The following DSTYK variants were observed in gnomAD, a reference collection of about 807,000 sequenced individuals.
DSTYK encodes dual serine/threonine and tyrosine protein kinase, also known as RIP-homologous kinase.
Under a neutral mutation model 98.7 loss-of-function variants are expected in DSTYK, and 34 were observed. The ratio of observed to expected loss-of-function variants is 0.34; its 90% CI spans 0.26 to 0.46. The LOEUF (loss-of-function observed/expected upper bound fraction) is 0.46. Among genes scored for constraint, DSTYK ranks in the 20% least tolerant of loss-of-function variants. The probability of loss-of-function intolerance (pLI) is 1.00; values close to 1 mark genes in which losing one functional copy is unlikely to be tolerated. For missense variants in DSTYK, 962 were observed against 1,181.7 expected, an observed-to-expected ratio of 0.81 and a Z score of 2.73; for synonymous variants, 462 against 457.3, an observed-to-expected ratio of 1.01 and a Z score of -0.13.
intron 1 of DSTYK, among the ~76,000 whole-genome samples, chr1:205,192,171 T>C (rs1444952787): frequency 6.6e-6 from 1 of 152,250 alleles, no homozygotes; most frequent in Non-Finnish European, 1.5e-5. Context: ...TTGATCACTT[T>C]ATTTGCTTCA....
intron 1 of DSTYK, among the ~76,000 whole-genome samples, chr1:205,199,041 T>A (rs1046646480): frequency 7.2e-5 from 11 of 152,254 alleles, no homozygotes; most frequent in South Asian, 2.1e-4. Flanking sequence ...GGAATTTTTT[T>A]AAAAAATCAA....
intron 1 of DSTYK, among the ~76,000 whole-genome samples, chr1:205,205,816 G>A (rs940323883): frequency 2.0e-5 from 3 of 152,144 alleles, no homozygotes; most frequent in Non-Finnish European, 4.4e-5. Context: ...TTTAAAAGGT[G>A]TGACAAAAAG....
At chr1:205,210,405 G>A (rs1246904284) in intron 1 of DSTYK, among the ~76,000 whole-genome samples, 1 of 148,508 alleles carries the variant, frequency 6.7e-6, no homozygotes, top group Non-Finnish European at 1.5e-5. Context: ...CTATCTACGT[G>A]GAATGTCAGT....
chr1:205,175,250 G>A (rs1479826460), intron 2 of DSTYK, among the ~76,000 whole-genome samples: 2 of 151,868 alleles, frequency 1.3e-5, no homozygotes, highest in South Asian at 2.1e-4. Context: ...ACAGGCGCAC[G>A]CCCGGCAATT....
intron 1 of DSTYK, among the ~76,000 whole-genome samples, chr1:205,194,584 T>C (rs1043345948): frequency 2.7e-5 from 4 of 150,784 alleles, no homozygotes; most frequent in African/African-American, 9.8e-5. Flanking sequence ...GGTCTCACTA[T>C]GTTGCCCAGG....
At chr1:205,202,851 C>T (rs1659083491) in intron 1 of DSTYK, 1 of 426,792 alleles carries the variant, frequency 2.3e-6, no homozygotes, top group East Asian at 4.3e-5. Context: ...AACTGAGTAA[C>T]AGGTATAAGG....
At chr1:205,206,554 C>G (rs1052963010) in intron 1 of DSTYK, among the ~76,000 whole-genome samples, 1 of 150,940 alleles carries the variant, frequency 6.6e-6, no homozygotes, top group South Asian at 2.1e-4. Context: ...GTTGGGATTA[C>G]AGGCGTGAGC....
intron 2 of DSTYK, among the ~76,000 whole-genome samples, chr1:205,179,464 T>A (rs10900459): frequency 1.3e-5 from 2 of 151,024 alleles, no homozygotes; most frequent in South Asian, 4.2e-4. Context: ...ACTAAAAATA[T>A]AAAAAAATTA....
In DSTYK at chr1:205,150,895, G is replaced by A. The variant is rs1198639440; in HGVS notation, c.2353-101C>T. On this transcript the variant is annotated intron_variant, in intron 10 of 12. Coordinates refer to ENST00000367162, the MANE Select transcript of DSTYK (RefSeq NM_015375.3). This position sits in a 1 kb window ranked among gnomAD's most constrained non-coding sequence, Gnocchi z 4.1. Reference sequence around the variant, plus strand: ...GTAGGTACCTCAAAGTAGTGTCACTGGATAGGATTATGCTCTGAAAATGAG... The same window carrying A: ...GTAGGTACCTCAAAGTAGTGTCACTAGATAGGATTATGCTCTGAAAATGAG... 5.7e-6 allele frequency: 5 copies of A among 876,060 alleles called. No homozygotes were observed. In the Admixed American group the frequency reaches 1.0e-4, roughly 18 times the overall value. The allele number at this position is 876,060 out of a possible 1,614,324, so 54.3% of individuals were successfully genotyped here.
chr1:205,175,258 A>T (rs1188673803), intron 2 of DSTYK, among the ~76,000 whole-genome samples: 1 of 151,448 alleles, frequency 6.6e-6, no homozygotes, highest in Non-Finnish European at 1.5e-5. Context: ...ACGCCCGGCA[A>T]TTTTTTTGTA....
intron 1 of DSTYK, among the ~76,000 whole-genome samples, chr1:205,190,065 T>C (rs1658665563): frequency 1.3e-5 from 2 of 152,170 alleles, no homozygotes; most frequent in African/African-American, 4.8e-5. Context: ...ACACCTACCA[T>C]GCTTTATTCT....
Position 205,163,973 on chromosome 1 carries a change from T to G in DSTYK, c.1325-18A>C. 1 of 1,606,634 alleles carries G rather than the reference T, an allele frequency of 6.2e-7. No individual in the cohort carries two copies. Among genetic ancestry groups the G allele is most frequent in the South Asian group, 1.1e-5 (1 of 90,904 alleles). On this transcript the variant is annotated intron_variant, in intron 3 of 12. Coordinates refer to ENST00000367162, the MANE Select transcript of DSTYK (RefSeq NM_015375.3). ...AATGACGTCTATGGAGGCAGAGAAA[T>G]AAGCTGAATAGTTGTGAGGAAGAAG...
rs144250564 is a variant in DSTYK, at chr1:205,167,870, G to A, written c.1324+1293C>T. ...GGTGGCTCACGCCACCCAGCACTTC[G>A]GGAGGCCGAGGCGGGTAGATTACGA... On this transcript the variant is annotated intron_variant, in intron 3 of 12. Coordinates refer to ENST00000367162, the MANE Select transcript of DSTYK (RefSeq NM_015375.3). 3.4e-3 allele frequency among the ~76,000 whole-genome samples: 516 copies of A among 152,302 alleles called. 1 individual carries two copies. Among genetic ancestry groups the A allele is most frequent in the Middle Eastern group, 0.021 (6 of 292 alleles).
chr1:205,169,154 G>A lies in DSTYK; in HGVS notation c.1324+9C>T. The A allele has an allele frequency of 1.3e-6, 2 of 1,579,374 alleles. No individual in the cohort carries two copies. On this transcript the variant is annotated intron_variant, in intron 3 of 12. Coordinates refer to ENST00000367162, the MANE Select transcript of DSTYK (RefSeq NM_015375.3). The surrounding 1 kb of genome is among the most constrained non-coding windows in gnomAD (Gnocchi z 4.0). ...GTGCCAGCACCCCAACAAGCTCTCT[G>A]GGACCTACCTTTAAACTCCATGTTA...
At chr1:205,156,298 T>C (rs1657559154) in intron 10 of DSTYK, among the ~76,000 whole-genome samples, 1 of 152,068 alleles carries the variant, frequency 6.6e-6, no homozygotes, top group Non-Finnish European at 1.5e-5. Context: ...ACACACAACT[T>C]GCACCGTGTG....
chr1:205,200,048 T>C (rs1658980935), intron 1 of DSTYK, among the ~76,000 whole-genome samples: 1 of 152,172 alleles, frequency 6.6e-6, no homozygotes, highest in Non-Finnish European at 1.5e-5. Flanking sequence ...TTATTCTTTT[T>C]TTTAATGAGA....
intron 3 of DSTYK, among the ~76,000 whole-genome samples, chr1:205,167,129 C>T (rs1657911562): frequency 6.6e-6 from 1 of 152,204 alleles, no homozygotes; most frequent in African/African-American, 2.4e-5. Context: ...GGTGTGATGG[C>T]TCATGCCTAT....
At position 205,169,176 on chromosome 1, in the gene DSTYK, G is replaced by A. The variant is rs778239789; in HGVS notation, c.1311C>T (p.Asn437=). 2 of 1,597,862 alleles carry A rather than the reference G, an allele frequency of 1.3e-6. No individual in the cohort carries two copies. Among genetic ancestry groups the A allele is most frequent in the South Asian group, 2.3e-5 (2 of 87,056 alleles). The change falls in exon 3 of 13, where the codon AAC becomes AAT. Residue 437 remains asparagine, a synonymous_variant. Transcript: ENST00000367162. The surrounding 1 kb of genome is among the most constrained non-coding windows in gnomAD (Gnocchi z 4.0). ...MKEELLDDAT[N]MEFKDVIVPE... ...TCTGGGACCTACCTTTAAACTCCATGTTAGTAGCATCATCCAGAAGTTCCT... is the reference window on the plus strand; with the variant it reads ...TCTGGGACCTACCTTTAAACTCCATATTAGTAGCATCATCCAGAAGTTCCT...
intron 1 of DSTYK, among the ~76,000 whole-genome samples, chr1:205,190,357 G>A (rs1658672272): frequency 1.3e-5 from 2 of 152,098 alleles, no homozygotes; most frequent in African/African-American, 2.4e-5. Context: ...AGGTGCAGTG[G>A]CTCACACCTG....
Sources: gnomAD v4.1 joint callset for allele counts (sites outside exome capture counted in the v4.1 genomes callset) on GRCh38, gnomAD v4.1.1 for gene constraint, Gnocchi (gnomAD v3.1) non-coding constraint, MANE v1.5 for transcripts, NCBI Gene and HGNC (gene_info 2026-07-23, HGNC 2026-07-21) for gene names.